AMOTL2: variants seen among roughly 807,000 people sequenced by gnomAD.
The protein encoded by AMOTL2 is angiomotin like 2.
Under a neutral mutation model 78.4 loss-of-function variants are expected in AMOTL2, and 33 were observed. That is an observed-to-expected ratio of 0.42 (90% CI 0.32 to 0.56). The LOEUF (loss-of-function observed/expected upper bound fraction) is 0.56. Among genes scored for constraint, AMOTL2 ranks in the 20% least tolerant of loss-of-function variants. AMOTL2 has a pLI of 0.12. For missense variants in AMOTL2, 983 were observed against 1,030.1 expected (o/e 0.95, Z 0.63); for synonymous variants, 422 against 428.8 (o/e 0.98, Z 0.20).
intron 1 of AMOTL2, 64 bp from the exon 2 acceptor site, chr3:134,371,558 G>T (rs2017867916): frequency 2.0e-6 from 3 of 1,496,808 alleles, no homozygotes; most frequent in Non-Finnish European, 2.7e-6. Flanking sequence ...GAAAGGAGAA[G>T]GCTTTCCAGG....
At position 134,371,114 on chromosome 3, in the gene AMOTL2, T is replaced by A; in HGVS notation, c.320A>T (p.Tyr107Phe). The change falls in exon 2 of 10, where the codon TAT (tyrosine) becomes TTT (phenylalanine). Residue 107 changes from tyrosine (Y) to phenylalanine (F), a missense_variant. Physicochemically the swap from Tyr to Phe is conservative, Grantham distance 22 (BLOSUM62 3). Transcript: ENST00000249883. The part of the protein sequence containing the change: ...QPSKGEELPT[Y>F]EEAKAHSQYY... Reference sequence around the variant, plus strand: ...CTGCGAGTGGGCTTTGGCCTCCTCATAGGTGGGCAGCTCCTCTCCCTTGCT... The same window carrying A: ...CTGCGAGTGGGCTTTGGCCTCCTCAAAGGTGGGCAGCTCCTCTCCCTTGCT... The A allele has an allele frequency of 1.2e-6, 2 of 1,613,244 alleles. No homozygotes were observed. Among genetic ancestry groups the A allele is most frequent in the Non-Finnish European group, 1.7e-6 (2 of 1,179,698 alleles).
At chr3:134,374,926 TGC>T (rs55706438), upstream of AMOTL2, 255,427 of 1,066,640 alleles carry the variant, frequency 0.24, 8,956 homozygotes, top group East Asian at 0.53. Flanking sequence ...TGTGTGTGTG[TGC>T]GTGTGTGTGT....
rs1010758580 is a variant in AMOTL2, at chr3:134,373,767, G to A, written c.-62+575C>T. The A allele has an allele frequency of 6.1e-6, 6 of 985,342 alleles. No homozygotes were observed. In the African/African-American group the frequency reaches 1.0e-4, roughly 17 times the overall value. The allele number at this position is 985,342 out of a possible 1,614,324, so 61.0% of individuals were successfully genotyped here. On this transcript the variant is annotated intron_variant, in intron 1 of 9. Coordinates refer to ENST00000249883, the MANE Select transcript of AMOTL2 (RefSeq NM_016201.4). Reference sequence around the variant, plus strand: ...GCCCGGAGAGGTCTTTAAGCATCGCGGGTCCGCCTCCCTCCCTCTCGAGCC... The same window carrying A: ...GCCCGGAGAGGTCTTTAAGCATCGCAGGTCCGCCTCCCTCCCTCTCGAGCC...
rs145301642 is a variant in AMOTL2 at position 134,360,260 on chromosome 3, G to T, written c.1729C>A (p.Arg577Ser). 3.7e-6 allele frequency: 6 copies of T among 1,614,076 alleles called. No homozygotes were observed. The highest frequency in any genetic ancestry group is 3.3e-5 in the Admixed American group (2 of 60,004). ...TKWEQKYLEE[R>S]AMRQFAMDAA... ...TCCATGGCAAACTGCCTCATGGCAC[G>T]TTCCTCCAAATACTTCTGCTCCCAC... The change falls in exon 7 of 10, where the codon CGT becomes AGT. Residue 577 changes from arginine to serine, a missense_variant. By Grantham distance (110) the Arg-to-Ser change is moderately radical. Coordinates refer to ENST00000249883, the MANE Select transcript of AMOTL2 (RefSeq NM_016201.4).
At position 134,358,611 on chromosome 3, in the gene AMOTL2, GT is replaced by G; in HGVS notation, c.2212del (p.Thr738ProfsTer27). 2.3e-5 allele frequency: 37 copies of G among 1,613,904 alleles called. No individual in the cohort carries two copies. The highest frequency in any genetic ancestry group is 3.1e-5 in the Non-Finnish European group (37 of 1,179,924). On this transcript the variant is annotated frameshift_variant, in exon 9 of 10. Transcript: ENST00000249883. LOFTEE classifies it high-confidence loss of function. ...STQTEGPPDS[T>X]STCLPPEPDS... ...AGGCTCCGGTGGCAGGCAGGTGGAG[GT>G]GCTGTCTGGGGGGCCCTCAGTCTGG...
At chr3:134,371,738 C>A (rs140305009) in intron 1 of AMOTL2, 2 of 536,922 alleles carry the variant, frequency 3.7e-6, no homozygotes, top group Non-Finnish European at 6.0e-6. Context: ...CTGCTTGACT[C>A]ATGGAGATGA....
chr3:134,375,223 GT>G (rs1244364691), upstream of AMOTL2: 2 of 1,535,716 alleles, frequency 1.3e-6, no homozygotes, highest in Non-Finnish European at 1.7e-6. Context: ...GCTCTGTCCA[GT>G]TCTTCCCCAA....
intron 3 of AMOTL2, 96 bp from the exon 4 acceptor site, chr3:134,366,523 T>G: frequency 7.3e-7 from 1 of 1,369,968 alleles, no homozygotes; most frequent in Non-Finnish European, 9.8e-7. Flanking sequence ...AGGTGACAGA[T>G]GAGAGGCCAC....
At chr3:134,366,224 A>G in intron 4 of AMOTL2, 59 bp downstream of exon 4, 1 of 1,559,488 alleles carries the variant, frequency 6.4e-7, no homozygotes, top group Non-Finnish European at 8.7e-7. Flanking sequence ...TCTCTAGAAC[A>G]AAAGAAGTAA....
intron 1 of AMOTL2, chr3:134,373,523 G>A: frequency 1.0e-6 from 1 of 985,638 alleles, no homozygotes; most frequent in Non-Finnish European, 1.2e-6. Flanking sequence ...AACCTCTGCT[G>A]CACTCGCCCG....
At chr3:134,373,985 C>T (rs377240274) in intron 1 of AMOTL2, 5 of 380,894 alleles carry the variant, frequency 1.3e-5, no homozygotes, top group African/African-American at 8.8e-5. Flanking sequence ...GACCCTGCAA[C>T]TTGAGCTCCA....
chr3:134,373,429 C>T (rs957931993), intron 1 of AMOTL2: 42 of 979,842 alleles, frequency 4.3e-5, no homozygotes, highest in Non-Finnish European at 5.0e-5. Context: ...GAATTTGTCC[C>T]GGCCAAGCCC....
intron 4 of AMOTL2, 83 bp downstream of exon 4, chr3:134,366,200 A>G: frequency 6.5e-7 from 1 of 1,543,348 alleles, no homozygotes. Context: ...CAGAGAATAG[A>G]GATTCCCAAT....
chr3:134,359,190 T>C (rs1405267367), intron 8 of AMOTL2, 93 bp downstream of exon 8: 3 of 1,411,624 alleles, frequency 2.1e-6, no homozygotes, highest in Non-Finnish European at 3.0e-6. Context: ...CTGGCTCCTA[T>C]AGCCTCAGTT....
In AMOTL2 at chr3:134,371,163, G is replaced by C. The variant is rs2017843573; in HGVS notation, c.271C>G (p.Leu91Val). 3 of 1,613,968 alleles carry C rather than the reference G, an allele frequency of 1.9e-6. No homozygotes were observed. The highest frequency in any genetic ancestry group is 8.5e-7 in the Non-Finnish European group (1 of 1,179,970). The change falls in exon 2 of 10, where the codon CTC becomes GTC. Residue 91 changes from leucine to valine, a missense_variant. By Grantham distance (32) the Leu-to-Val change is conservative (BLOSUM62 1). Coordinates refer to ENST00000249883, the MANE Select transcript of AMOTL2 (RefSeq NM_016201.4). ...CTGGGCTGTGGGCATAGCCGGTAGA[G>C]GGTGTTCTCTGCCAGGTGGTTCTCA... ...GGENHLAENT[L>V]YRLCPQPSKG...
chr3:134,357,994 T>C lies in AMOTL2; in HGVS notation c.2285-231A>G, dbSNP rs574317338. Among the ~76,000 whole-genome samples, 142 of 152,266 alleles carry C rather than the reference T, an allele frequency of 9.3e-4. 1 individual carries two copies. The highest frequency in any genetic ancestry group is 2.5e-3 in the African/African-American group (104 of 41,546). On this transcript the variant is annotated intron_variant, in intron 9 of 9. Transcript: ENST00000249883. ...GCATTTGTTTCTAACTTTGAACTGG[T>C]TGGAGGGCTTAGAGAGAGCAATGGA...
intron 1 of AMOTL2, chr3:134,371,780 C>A: frequency 2.5e-6 from 1 of 396,628 alleles, no homozygotes; most frequent in Non-Finnish European, 4.5e-6. Flanking sequence ...CCTGCGAGCT[C>A]CTGGCACAGT....
At chr3:134,374,697 C>T, upstream of AMOTL2, 3 of 981,132 alleles carry the variant, frequency 3.1e-6, no homozygotes, top group Non-Finnish European at 3.6e-6. Flanking sequence ...CCGCGCCCAG[C>T]GCCCTCCAGG....
intron 9 of AMOTL2, 42 bp from the exon 10 acceptor site, chr3:134,357,805 AC>A: frequency 6.3e-7 from 1 of 1,586,492 alleles, no homozygotes; most frequent in Non-Finnish European, 8.7e-7. Flanking sequence ...AATGAGTGTT[AC>A]TAGATTGCTT....
Sources: gnomAD v4.1 joint callset for allele counts (sites outside exome capture counted in the v4.1 genomes callset) on GRCh38, gnomAD v4.1.1 for gene constraint, MANE v1.5 for transcripts, NCBI Gene and HGNC (gene_info 2026-07-23, HGNC 2026-07-21) for gene names.